The following SCUBE2 variants were observed in gnomAD, a reference collection of about 807,000 sequenced individuals.
The protein encoded by SCUBE2 is signal peptide, CUB domain and EGF like domain containing 2.
In SCUBE2, 114 loss-of-function variants were observed where a neutral mutation model predicts 125.9. The ratio of observed to expected loss-of-function variants is 0.91; its 90% CI spans 0.78 to 1.06. The LOEUF is 1.06. Ranked by LOEUF, SCUBE2 falls within the 50% of genes least tolerant of loss-of-function variation. The pLI is 0.00. For synonymous variants in SCUBE2, 459 were observed against 492.9 expected, an observed-to-expected ratio of 0.93 and a Z score of 0.91; for missense variants, 1,255 against 1,301.8, an observed-to-expected ratio of 0.96 and a Z score of 0.55.
rs181624537 is a variant in SCUBE2, at chr11:9,033,891, C to T, written c.2003-95G>A. ...GATGAAGGCAAATAGATGGCACTGA[C>T]CACACCACCCACGGCATGCAAACTC... On this transcript the variant is annotated intron_variant, in intron 16 of 22. Transcript: ENST00000649792. 9.5e-4 allele frequency: 1,153 copies of T among 1,215,768 alleles called. 11 individuals are homozygous for T. The highest frequency in any genetic ancestry group is 5.4e-4 in the South Asian group (40 of 74,436). The allele number at this position is 1,215,768 out of a possible 1,614,324, so 75.3% of individuals were successfully genotyped here.
At chr11:9,082,306 T>C (rs1360906340) in intron 2 of SCUBE2, among the ~76,000 whole-genome samples, 1 of 152,236 alleles carries the variant, frequency 6.6e-6, no homozygotes, top group Non-Finnish European at 1.5e-5. Context: ...TCTGTTGATA[T>C]TGTCTTTTGA....
At chr11:9,073,937 G>A (rs912350975) in intron 4 of SCUBE2, among the ~76,000 whole-genome samples, 13 of 152,176 alleles carry the variant, frequency 8.5e-5, no homozygotes, top group Admixed American at 7.2e-4. Flanking sequence ...AAATGGTGAC[G>A]TAGGCGAAGG....
At chr11:9,023,900 G>A (rs1037531562) in intron 21 of SCUBE2, among the ~76,000 whole-genome samples, 5 of 152,060 alleles carry the variant, frequency 3.3e-5, no homozygotes, top group Non-Finnish European at 5.9e-5. Context: ...GTTGTCCAGC[G>A]CTCAGAGGGC....
At chr11:9,032,206 C>T (rs1177037286) in intron 17 of SCUBE2, among the ~76,000 whole-genome samples, 1 of 151,992 alleles carries the variant, frequency 6.6e-6, no homozygotes, top group Admixed American at 6.5e-5. Flanking sequence ...ACAGCTTGAC[C>T]TCCTGGGCTT....
chr11:9,049,352 G>A (rs1031614447), intron 14 of SCUBE2, among the ~76,000 whole-genome samples: 4 of 152,020 alleles, frequency 2.6e-5, no homozygotes, highest in African/African-American at 7.2e-5. Context: ...CAAGTGATCC[G>A]CCCGCCTTGG....
At chr11:9,022,184 G>C (rs1034487950) in intron 21 of SCUBE2, among the ~76,000 whole-genome samples, 1 of 152,028 alleles carries the variant, frequency 6.6e-6, no homozygotes, top group Non-Finnish European at 1.5e-5. Flanking sequence ...TCCCTCAGAC[G>C]AGCCTCTGTG....
At chr11:9,083,188 G>A (rs1269401859) in intron 2 of SCUBE2, among the ~76,000 whole-genome samples, 1 of 151,800 alleles carries the variant, frequency 6.6e-6, no homozygotes, top group Non-Finnish European at 1.5e-5. Context: ...CATGGAAGGA[G>A]GGGATGGAAG....
intron 19 of SCUBE2, 37 bp from the exon 20 acceptor site, chr11:9,027,598 T>C: frequency 1.3e-6 from 2 of 1,572,110 alleles, no homozygotes; most frequent in Non-Finnish European, 1.7e-6. Context: ...GGCACGACAC[T>C]GTCATCTCTG....
rs1278848141 is a variant in SCUBE2, at chr11:9,030,928, G to A, written c.2174-3C>T. On this transcript the variant is annotated splice_polypyrimidine_tract_variant and splice_region_variant and intron_variant, in intron 17 of 22. Transcript: ENST00000649792. ...ATATTCACCAGGTTGACACAGACCT[G>A]GAAGGACCAATAGCCTTACGTGAGC... 6.2e-7 allele frequency: 1 copy of A among 1,612,670 alleles called. No individual in the cohort carries two copies. The highest frequency in any genetic ancestry group is 1.7e-5 in the Admixed American group (1 of 59,866).
At chr11:9,059,014 G>A (rs896068668) in intron 9 of SCUBE2, among the ~76,000 whole-genome samples, 3 of 152,184 alleles carry the variant, frequency 2.0e-5, no homozygotes, top group African/African-American at 7.2e-5. Flanking sequence ...AACCCCATTT[G>A]CATTCTGTTT....
At chr11:9,042,899 C>G (rs1032247640) in intron 16 of SCUBE2, among the ~76,000 whole-genome samples, 5 of 152,200 alleles carry the variant, frequency 3.3e-5, no homozygotes, top group African/African-American at 1.2e-4. Flanking sequence ...CCTGCATGTT[C>G]TCAGTATCTC....
rs115904063 is a variant in SCUBE2 at position 9,057,774 on chromosome 11, C to A, written c.1090+1529G>T. On this transcript the variant is annotated intron_variant, in intron 9 of 22. Coordinates refer to ENST00000649792, the MANE Select transcript of SCUBE2 (RefSeq NM_001367977.2). ...TCTCAAACTCCTGGCCACAAGTGAT[C>A]GACCTGCCTCAGCCTCCCAAAGTGC... Among the ~76,000 whole-genome samples the A allele has an allele frequency of 5.5e-3, 831 of 152,218 alleles. 10 individuals carry two copies. Among genetic ancestry groups the A allele is most frequent in the African/African-American group, 0.019 (789 of 41,528 alleles).
intron 2 of SCUBE2, among the ~76,000 whole-genome samples, chr11:9,082,578 C>T (rs1025158654): frequency 3.3e-5 from 5 of 152,038 alleles, no homozygotes; most frequent in Non-Finnish European, 7.4e-5. Flanking sequence ...AATCAAAATG[C>T]CTATTAACTG....
chr11:9,025,525 T>A, intron 21 of SCUBE2, 177 bp downstream of exon 21: 1 of 609,540 alleles, frequency 1.6e-6, no homozygotes, highest in East Asian at 2.8e-5. Context: ...TTCCTCCTAT[T>A]GTCAGTGTCC....
chr11:9,050,828 CCTCTCCTACCCTGAGG>C, intron 13 of SCUBE2, 118 bp from the exon 14 acceptor site: 1 of 760,190 alleles, frequency 1.3e-6, no homozygotes, highest in Non-Finnish European at 2.3e-6. Flanking sequence ...ACCCTGAGAC[CCTCTCCTACCCTGAGG>C]CTAAGAGTGG....
At chr11:9,030,437 TG>T (rs1566167619) in intron 18 of SCUBE2, 2 of 410,148 alleles carry the variant, frequency 4.9e-6, no homozygotes, top group Non-Finnish European at 8.9e-6. Flanking sequence ...GAAGGGGTAT[TG>T]GGGGGAAGCT....
intron 2 of SCUBE2, 75 bp downstream of exon 2, chr11:9,089,632 A>G (rs982808227): frequency 1.2e-5 from 18 of 1,536,272 alleles, no homozygotes; most frequent in African/African-American, 9.6e-5. Context: ...TTTTACCAAC[A>G]TAAGTGGCCA....
At position 9,020,817 on chromosome 11, in the gene SCUBE2, A is replaced by G. The variant is rs1855238211; in HGVS notation, c.*228T>C. 5 of 433,408 alleles carry G rather than the reference A, an allele frequency of 1.2e-5. No homozygotes were observed. Among genetic ancestry groups the G allele is most frequent in the Non-Finnish European group, 2.0e-5 (5 of 243,960 alleles). 26.8% of individuals were successfully genotyped at this position (433,408 alleles called of 1,614,324 possible). On this transcript the variant is annotated 3_prime_UTR_variant, in exon 23 of 23. Transcript: ENST00000649792. ...TCCAAGACATCCGCCCACAGCAGTGAGAAGCTGATGCCACTCAAAGCCATT... is the reference window on the plus strand; with the variant it reads ...TCCAAGACATCCGCCCACAGCAGTGGGAAGCTGATGCCACTCAAAGCCATT...
In SCUBE2 at chr11:9,027,365, G is replaced by C. The variant is rs544727471; in HGVS notation, c.2700C>G (p.Thr900=). The C allele has an allele frequency of 5.2e-5, 84 of 1,613,926 alleles. No individual in the cohort carries two copies. In the Admixed American group the frequency reaches 8.0e-4, roughly 15 times the overall value. Residue 900 remains threonine, a splice_region_variant and synonymous_variant, in exon 20 of 23, where the codon ACC becomes ACG. Coordinates refer to ENST00000649792, the MANE Select transcript of SCUBE2 (RefSeq NM_001367977.2). ...DCGDYLVMRK[T]SSSNSVTTYE... ...AGGGAGGGAGGGAGTGAGACGCACA[G>C]GTTTTCCGCATCACCAGATAGTCCC... is the stretch of plus-strand genomic sequence containing the variant.
Sources: allele counts gnomAD v4.1 joint callset (sites outside exome capture counted in the v4.1 genomes callset), GRCh38; gene constraint gnomAD v4.1.1; transcripts MANE v1.5; gene names NCBI Gene and HGNC (gene_info 2026-07-23, HGNC 2026-07-21).